C2CD3: variants seen among roughly 807,000 people sequenced by gnomAD.
C2CD3 encodes C2 domain containing 3 centriole elongation regulator.
A neutral mutation model predicts 234.0 loss-of-function variants in C2CD3; 148 were observed. The observed-to-expected ratio is 0.63, with a 90% confidence interval of 0.55 to 0.72. The LOEUF is 0.72. Ranked by LOEUF, C2CD3 falls within the 30% of genes least tolerant of loss-of-function variation. C2CD3 has a pLI of 0.00. For missense variants in C2CD3, 2,577 were observed against 2,811.5 expected, an observed-to-expected ratio of 0.92 and a Z score of 1.89; for synonymous variants, 1,000 against 1,035.4, an observed-to-expected ratio of 0.97 and a Z score of 0.66.
At chr11:74,041,438 A>G (rs970043566) in intron 29 of C2CD3, among the ~76,000 whole-genome samples, 2 of 152,188 alleles carry the variant, frequency 1.3e-5, no homozygotes, top group African/African-American at 4.8e-5. Flanking sequence ...CCAGAATATT[A>G]GGCATTCCCC....
chr11:74,066,246 A>G (rs967699210), intron 24 of C2CD3, among the ~76,000 whole-genome samples: 1 of 11,586 alleles, frequency 8.6e-5, no homozygotes, highest in Non-Finnish European at 1.5e-4. Context: ...GACTTGAACA[A>G]TGAGAACACT....
At chr11:74,037,981 G>A (rs1380736936) in intron 29 of C2CD3, among the ~76,000 whole-genome samples, 2 of 152,026 alleles carry the variant, frequency 1.3e-5, no homozygotes, top group Non-Finnish European at 2.9e-5. Context: ...AACCATTCTT[G>A]ACCACCATTC....
At chr11:74,056,471 G>C (rs1236571609) in intron 25 of C2CD3, among the ~76,000 whole-genome samples, 4 of 152,154 alleles carry the variant, frequency 2.6e-5, no homozygotes, top group African/African-American at 9.7e-5. Flanking sequence ...AACATTTGTT[G>C]TATACCTGCT....
In C2CD3 at chr11:74,106,483, A is replaced by C. The variant is rs111351931; in HGVS notation, c.1973T>G (p.Ile658Ser). The change falls in exon 13 of 33, where the codon ATT (isoleucine) becomes AGT (serine). Residue 658 changes from isoleucine to serine, a missense_variant. By Grantham distance (142) the Ile-to-Ser change is moderately radical. Transcript: ENST00000334126. Reference protein sequence around the residue: ...KKTPQKKPEVIGSVSLSLRAV... With the variant: ...KKTPQKKPEVSGSVSLSLRAV... ...TCGCAAAGAAAGTGACACAGATCCA[A>C]TGACTTCTGGCTGAGAAAGAAGGAA... is the stretch of plus-strand genomic sequence containing the variant. The C allele has an allele frequency of 1.2e-6, 2 of 1,613,836 alleles. No homozygotes were observed. The highest frequency in any genetic ancestry group is 1.3e-5 in the African/African-American group (1 of 74,940).
rs989388074 is a variant in C2CD3 at position 74,018,723 on chromosome 11, G to A, written c.6922-5198C>T. Among the ~76,000 whole-genome samples, 81 of 152,326 alleles carry A rather than the reference G, an allele frequency of 5.3e-4. 1 individual carries two copies. The highest frequency in any genetic ancestry group is 1.9e-3 in the African/African-American group (80 of 41,578). On this transcript the variant is annotated intron_variant, in intron 32 of 32. Transcript: ENST00000334126. ...AGAGCAGCAAACTCAGCAGCCACAA[G>A]TAGGAGCAGAGGGGAAGTGAGGACA... is the stretch of plus-strand genomic sequence containing the variant.
intron 25 of C2CD3, among the ~76,000 whole-genome samples, chr11:74,055,142 T>C (rs1257255782): frequency 6.6e-6 from 1 of 152,222 alleles, no homozygotes; most frequent in Non-Finnish European, 1.5e-5. Context: ...GCCTATAACA[T>C]GGACATTATT....
At chr11:74,082,454 A>T (rs1036306314) in intron 22 of C2CD3, among the ~76,000 whole-genome samples, 2 of 152,080 alleles carry the variant, frequency 1.3e-5, no homozygotes, top group Non-Finnish European at 2.9e-5. Flanking sequence ...TTATTATGAG[A>T]TATGTTCCAT....
chr11:74,138,393 A>C, intron 5 of C2CD3, among the ~76,000 whole-genome samples: 1 of 152,340 alleles, frequency 6.6e-6, no homozygotes, highest in South Asian at 2.1e-4. Context: ...ATCACGAGAC[A>C]AAAACCTTAC....
At chr11:74,142,286 G>C (rs1383447543) in intron 3 of C2CD3, 1 of 152,292 alleles carries the variant, frequency 6.6e-6, no homozygotes, top group East Asian at 1.9e-4. Flanking sequence ...GGCACACACA[G>C]ATTTCTTCAG....
intron 31 of C2CD3, among the ~76,000 whole-genome samples, chr11:74,030,625 A>G (rs1310508829): frequency 6.6e-6 from 1 of 151,964 alleles, no homozygotes; most frequent in East Asian, 1.9e-4. Flanking sequence ...CTCTTTGCAC[A>G]CTGGAGATGC....
chr11:74,158,745 G>GA (rs1033233787), intron 3 of C2CD3, among the ~76,000 whole-genome samples: 3 of 151,052 alleles, frequency 2.0e-5, no homozygotes, highest in African/African-American at 7.3e-5. Flanking sequence ...AAAGAAAAAA[G>GA]AAAAAATGCT....
intron 7 of C2CD3, chr11:74,129,256 GGAGGGGCTCCTCACTTC>G (rs1238088187): frequency 5.7e-6 from 1 of 175,292 alleles, no homozygotes; most frequent in East Asian, 1.8e-4. Context: ...GCTGCTGGGC[GGAGGGGCTCCTCACTTC>G]TCAGACGGGG....
At chr11:74,037,833 C>T (rs1952815135) in intron 29 of C2CD3, 135 bp from the exon 30 acceptor site, 2 of 673,854 alleles carry the variant, frequency 3.0e-6, no homozygotes, top group Admixed American at 4.7e-5. Context: ...TACTAAGTCC[C>T]TCTCTCTCCA....
chr11:74,086,467 A>C (rs1000787589), intron 20 of C2CD3, among the ~76,000 whole-genome samples: 1 of 152,236 alleles, frequency 6.6e-6, no homozygotes, highest in Non-Finnish European at 1.5e-5. Context: ...TATGGTTTGC[A>C]TAAGTGACCT....
chr11:74,058,995 G>T (rs919477020), intron 24 of C2CD3, among the ~76,000 whole-genome samples: 1 of 152,044 alleles, frequency 6.6e-6, no homozygotes, highest in South Asian at 2.1e-4. Context: ...CTGAATAATA[G>T]ACACTTTACA....
intron 24 of C2CD3, among the ~76,000 whole-genome samples, chr11:74,073,638 G>A (rs750782074): frequency 1.3e-5 from 2 of 150,066 alleles, no homozygotes; most frequent in Non-Finnish European, 3.0e-5. Context: ...CCTAACTATT[G>A]TAATTTCAAA....
chr11:74,045,839 C>T (rs1384150234), intron 28 of C2CD3, among the ~76,000 whole-genome samples: 1 of 152,114 alleles, frequency 6.6e-6, no homozygotes, highest in African/African-American at 2.4e-5. Flanking sequence ...TCCCAAAGTG[C>T]TGGAATTACA....
rs775873396 is a variant in C2CD3 at position 74,033,551 on chromosome 11, G to C, written c.6609C>G (p.Pro2203=). 1 of 1,536,072 alleles carries C rather than the reference G, an allele frequency of 6.5e-7. No homozygotes were observed. Among genetic ancestry groups the C allele is most frequent in the East Asian group, 2.4e-5 (1 of 40,930 alleles). ...SSPQTDQNKE[P]KSEAPAENEA... ...CATTCTCAGCTGGGGCCTCTGACTT[G>C]GGCTCCTTGTTCTGATCTGTCTGTG... The change falls in exon 31 of 33, where the codon CCC becomes CCG. Residue 2203 remains proline (P), a synonymous_variant. Coordinates refer to ENST00000334126, the MANE Select transcript of C2CD3 (RefSeq NM_001286577.2).
At chr11:74,128,267 A>G (rs1363011329) in intron 7 of C2CD3, among the ~76,000 whole-genome samples, 2 of 152,168 alleles carry the variant, frequency 1.3e-5, no homozygotes, top group Non-Finnish European at 2.9e-5. Context: ...CATATAAGTT[A>G]TTTATATGTT....
Sources: gnomAD v4.1 joint callset for allele counts (sites outside exome capture counted in the v4.1 genomes callset) on GRCh38, gnomAD v4.1.1 for gene constraint, MANE v1.5 for transcripts, NCBI Gene and HGNC (gene_info 2026-07-23, HGNC 2026-07-21) for gene names.